Variants in IKBIP observed in about 807,000 individuals in gnomAD.
IKBIP encodes inhibitor of nuclear factor kappa-B kinase-interacting protein.
Under a neutral mutation model 31.0 loss-of-function variants are expected in IKBIP, and 28 were observed. The observed-to-expected ratio is 0.90, with a 90% confidence interval of 0.67 to 1.24. The LOEUF is 1.24. Among genes scored for constraint, IKBIP ranks in the 50% most tolerant of loss-of-function variants. The pLI is 0.00. For missense variants in IKBIP, 453 were observed against 441.9 expected (o/e 1.03, Z -0.23); for synonymous variants, 164 against 160.3 (o/e 1.02, Z -0.17).
At chr12:98,641,105 CTT>C (rs2097630019) in intron 1 of IKBIP, among the ~76,000 whole-genome samples, 1 of 152,156 alleles carries the variant, frequency 6.6e-6, no homozygotes, top group Admixed American at 6.6e-5. Flanking sequence ...AAGCAACACA[CTT>C]TTAAGTTTCT....
intron 2 of IKBIP, among the ~76,000 whole-genome samples, chr12:98,615,100 G>A (rs994656402): frequency 6.6e-6 from 1 of 152,048 alleles, no homozygotes; most frequent in African/African-American, 2.4e-5. Context: ...TATTTATTGT[G>A]TACAATGTAA....
At chr12:98,623,003 T>TG (rs901989653), downstream of IKBIP, among the ~76,000 whole-genome samples, 2 of 150,806 alleles carry the variant, frequency 1.3e-5, no homozygotes, top group Admixed American at 1.3e-4. Context: ...TTTTTTGAGA[T>TG]GGAGTCTCAC....
At chr12:98,641,246 G>A (rs1593001942) in intron 1 of IKBIP, among the ~76,000 whole-genome samples, 1 of 152,180 alleles carries the variant, frequency 6.6e-6, no homozygotes, top group South Asian at 2.1e-4. Context: ...ATCAGATGAA[G>A]AGTGAGAGTA....
chr12:98,631,749 G>A (rs1304620804), intron 2 of IKBIP, among the ~76,000 whole-genome samples: 1 of 142,994 alleles, frequency 7.0e-6, no homozygotes, highest in Non-Finnish European at 1.5e-5. Context: ...CTCCAGCCTG[G>A]ATGAGAAAAG....
Position 98,626,346 on chromosome 12 carries a change from T to G in IKBIP, c.718A>C (p.Lys240Gln). The G allele has an allele frequency of 1.9e-6, 3 of 1,614,148 alleles. No individual in the cohort carries two copies. The highest frequency in any genetic ancestry group is 2.5e-6 in the Non-Finnish European group (3 of 1,180,020). ...QLGSDTKAIE[K>Q]LEEEQHALFA... ...AGGGCATGCTGTTCCTCTTCTAACT[T>G]TTCAATTGCCTTTGTATCAGAGCCT... The change falls in exon 3 of 3, where the codon AAG becomes CAG. Residue 240 changes from lysine (K) to glutamine (Q), a missense_variant. Coordinates refer to ENST00000299157, the MANE Select transcript of IKBIP (RefSeq NM_153687.4).
intron 1 of IKBIP, among the ~76,000 whole-genome samples, chr12:98,636,450 G>A (rs901533481): frequency 2.0e-5 from 3 of 152,194 alleles, no homozygotes; most frequent in Non-Finnish European, 2.9e-5. Flanking sequence ...CTGAGTAAAT[G>A]CAGTTATCTG....
At position 98,644,418 on chromosome 12, in the gene IKBIP, G is replaced by A. The variant is rs555815025; in HGVS notation, c.179+105C>T. On this transcript the variant is annotated intron_variant, in intron 1 of 2. Transcript: ENST00000299157. ...TCAAGACAGAGGCACAGAAGGCCCA[G>A]GTCTGGGAGGTTGGATCACCTCCGG... The A allele has an allele frequency of 3.7e-5, 42 of 1,122,416 alleles. No homozygotes were observed. The African/African-American group carries it at 6.4e-4, about 17-fold the overall frequency. The allele number at this position is 1,122,416 out of a possible 1,614,324, so 69.5% of individuals were successfully genotyped here. A position where few individuals can be genotyped will look rare whatever the true frequency, so the allele number is the denominator to read the frequency against.
rs1555212507 is a variant in IKBIP at position 98,643,817 on chromosome 12, C to CTTTTTTTTTTTTTTTCTTTTCT, written c.179+705_179+706insAGAAAAGAAAAAAAAAAAAAAA. Among the ~76,000 whole-genome samples, 3 of 136,930 alleles carry CTTTTTTTTTTTTTTTCTTTTCT rather than the reference C, an allele frequency of 2.2e-5. No individual in the cohort carries two copies. In the South Asian group the frequency reaches 7.0e-4, roughly 32 times the overall value. The allele number at this position is 136,930 out of a possible 152,430, so 89.8% of individuals were successfully genotyped here. On this transcript the variant is annotated intron_variant, in intron 1 of 2. Coordinates refer to ENST00000299157, the MANE Select transcript of IKBIP (RefSeq NM_153687.4). ...TTTGGGAGCATAATGATATGGTTTT[C>CTTTTTTTTTTTTTTTCTTTTCT]TTTTTTTTTTTTTTTTGAGACGGAG... is the stretch of plus-strand genomic sequence containing the variant.
downstream of IKBIP, among the ~76,000 whole-genome samples, chr12:98,623,506 G>C (rs1042310623): frequency 2.0e-5 from 3 of 148,626 alleles, no homozygotes; most frequent in Non-Finnish European, 3.0e-5. Context: ...CAGCTTCCCA[G>C]AGTGTTGGAA....
chr12:98,616,392 T>A (rs1008720102), intron 2 of IKBIP, among the ~76,000 whole-genome samples: 2 of 152,312 alleles, frequency 1.3e-5, no homozygotes, highest in Middle Eastern at 3.4e-3. Flanking sequence ...ATTAAGCCAT[T>A]CTCAGATTTA....
At chr12:98,619,887 A>AG (rs1276874637), downstream of IKBIP, among the ~76,000 whole-genome samples, 11 of 150,856 alleles carry the variant, frequency 7.3e-5, no homozygotes, top group Admixed American at 6.0e-4. Context: ...AAAAAAAAAA[A>AG]AAAAAAAAGT....
exon 3 of IKBIP, chr12:98,614,249 T>G (rs1367913636): frequency 6.2e-7 from 1 of 1,612,730 alleles, no homozygotes; most frequent in Non-Finnish European, 8.5e-7. Context: ...GGACCAAGTT[T>G]TTACCTCATT....
rs1565839265 is a variant in IKBIP at position 98,625,118 on chromosome 12, A to G, written c.*812T>C. 1 of 985,182 alleles carries G rather than the reference A, an allele frequency of 1.0e-6. No homozygotes were observed. Among genetic ancestry groups the G allele is most frequent in the Non-Finnish European group, 1.2e-6 (1 of 829,714 alleles). The allele number at this position is 985,182 out of a possible 1,614,324, so 61.0% of individuals were successfully genotyped here. On this transcript the variant is annotated 3_prime_UTR_variant, in exon 3 of 3. Transcript: ENST00000299157. Reference sequence around the variant, plus strand: ...TGCGCCTGGCCTATTTAAGTAAACCATCTAGAGACCATGGATCTAGCAAAC... The same window carrying G: ...TGCGCCTGGCCTATTTAAGTAAACCGTCTAGAGACCATGGATCTAGCAAAC...
chr12:98,620,974 G>C (rs543488371), downstream of IKBIP, among the ~76,000 whole-genome samples: 1 of 152,090 alleles, frequency 6.6e-6, no homozygotes, highest in African/African-American at 2.4e-5. Context: ...GTGGCCGTGC[G>C]TGGTGGCTCA....
chr12:98,635,493 T>A (rs1052625027), intron 1 of IKBIP, among the ~76,000 whole-genome samples: 24 of 152,208 alleles, frequency 1.6e-4, no homozygotes, highest in African/African-American at 5.5e-4. Context: ...TTGTTCACAA[T>A]TCACAGCCCA....
chr12:98,614,024 T>C, exon 3 of IKBIP: 1 of 1,609,558 alleles, frequency 6.2e-7, no homozygotes, highest in Non-Finnish European at 8.5e-7. Flanking sequence ...TTTTTCTACT[T>C]TCTCTATTTT....
intron 1 of IKBIP, among the ~76,000 whole-genome samples, chr12:98,636,793 T>A (rs1446105077): frequency 6.6e-6 from 1 of 152,026 alleles, no homozygotes; most frequent in African/African-American, 2.4e-5. Flanking sequence ...TTTTAGGATT[T>A]TTTTTTTTTC....
intron 2 of IKBIP, among the ~76,000 whole-genome samples, chr12:98,618,695 C>A (rs897831791): frequency 1.5e-4 from 23 of 151,360 alleles, no homozygotes; most frequent in Non-Finnish European, 3.1e-4. Context: ...ACTCCTGGCT[C>A]AAGTGATCCT....
rs1395488607 is a variant in IKBIP at position 98,631,409 on chromosome 12, T to C, written c.297+2887A>G. On this transcript the variant is annotated intron_variant, in intron 2 of 2. Transcript: ENST00000299157. The stretch of plus-strand genomic sequence containing the variant: ...GATTCTCCTGCCTCAGCCTCCTGAG[T>C]AGCTGGGACTACAGACACACGCTAC... Among the ~76,000 whole-genome samples the C allele has an allele frequency of 3.3e-5, 5 of 151,296 alleles. No homozygotes were observed. In the South Asian group the frequency reaches 1.0e-3, roughly 32 times the overall value.
Sources: allele counts gnomAD v4.1 joint callset (sites outside exome capture counted in the v4.1 genomes callset), GRCh38; gene constraint gnomAD v4.1.1; transcripts MANE v1.5; gene names NCBI Gene and HGNC (gene_info 2026-07-23, HGNC 2026-07-21).